GPR108: variants seen among roughly 807,000 people sequenced by gnomAD.
GPR108 encodes the protein G protein-coupled receptor 108.
GPR108 carries 60 observed loss-of-function variants against 74.3 expected under a neutral mutation model. That is an observed-to-expected ratio of 0.81 (90% CI 0.66 to 1.00). GPR108 has a LOEUF of 1.00. Among genes scored for constraint, GPR108 ranks in the 50% least tolerant of loss-of-function variants. The pLI is 0.00. For synonymous variants in GPR108, 311 were observed against 292.4 expected, an observed-to-expected ratio of 1.06 and a Z score of -0.65; for missense variants, 667 against 703.3, an observed-to-expected ratio of 0.95 and a Z score of 0.58.
intron 17 of GPR108, 40 bp from the exon 18 acceptor site, chr19:6,730,424 CAGCAG>C: frequency 6.4e-7 from 1 of 1,552,062 alleles, no homozygotes; most frequent in Non-Finnish European, 8.9e-7. Context: ...CGTTGCAGGG[CAGCAG>C]GCCCCACCCA....
intron 7 of GPR108, 46 bp downstream of exon 7, chr19:6,733,799 C>T (rs377295960): frequency 1.7e-5 from 27 of 1,607,542 alleles, no homozygotes; most frequent in Admixed American, 1.3e-4. Context: ...TTGGGGGTCC[C>T]GTGCTCTGGG....
Position 6,732,976 on chromosome 19 carries a change from A to C in GPR108, c.933+11T>G, listed in dbSNP as rs1390209818. 1.3e-6 allele frequency: 2 copies of C among 1,579,438 alleles called. No individual in the cohort carries two copies. The highest frequency in any genetic ancestry group is 2.3e-5 in the South Asian group (2 of 87,108). On this transcript the variant is annotated intron_variant, in intron 10 of 17. Transcript: ENST00000264080. ...CCCACCCCCCGCTGCTCCCCGGTCC[A>C]AGGCTCTCACGCTGTGGAAGAGGAG...
Position 6,734,058 on chromosome 19 carries a change from T to A in GPR108, c.500-4A>T, listed in dbSNP as rs777834464. 5.3e-5 allele frequency: 86 copies of A among 1,613,982 alleles called. No individual in the cohort carries two copies. Among genetic ancestry groups the A allele is most frequent in the Non-Finnish European group, 6.9e-5 (81 of 1,180,016 alleles). ...TTGCTGGCTGCAGAGGTCCCTCCTG[T>A]AAGAGACCGGGCAGTGATTTTAAGA... is the stretch of plus-strand genomic sequence containing the variant. On this transcript the variant is annotated splice_polypyrimidine_tract_variant and splice_region_variant and intron_variant, in intron 5 of 17. Transcript: ENST00000264080.
chr19:6,734,378 G>A, intron 4 of GPR108, 71 bp from the exon 5 acceptor site: 2 of 1,505,018 alleles, frequency 1.3e-6, no homozygotes, highest in Non-Finnish European at 1.8e-6. Flanking sequence ...AAAGGACTCA[G>A]TGGCCCCTTG....
At chr19:6,735,530 C>T in intron 4 of GPR108, 92 bp downstream of exon 4, 1 of 1,078,220 alleles carries the variant, frequency 9.3e-7, no homozygotes, top group Non-Finnish European at 1.4e-6. Context: ...CTCTCTGCTT[C>T]TCATCCCACC....
intron 17 of GPR108, 30 bp from the exon 18 acceptor site, chr19:6,730,414 CGTTGCAGGGCAGCAGGCCCCACCCA>C: frequency 6.3e-7 from 1 of 1,593,760 alleles, no homozygotes; most frequent in Non-Finnish European, 8.6e-7. Context: ...AGGCGTCTAG[CGTTGCAGGGCAGCAGGCCCCACCCA>C]CTCTACCCGG....
intron 17 of GPR108, 169 bp from the exon 18 acceptor site, chr19:6,730,553 C>T (rs1968350819): frequency 4.7e-6 from 3 of 634,728 alleles, no homozygotes; most frequent in Admixed American, 4.7e-5. Context: ...CCCACAGCAG[C>T]GCAGGCCCTA....
At position 6,735,722 on chromosome 19, in the gene GPR108, G is replaced by A. The variant is rs779668714; in HGVS notation, c.292-18C>T. 1.2e-6 allele frequency: 2 copies of A among 1,611,778 alleles called. No homozygotes were observed. The highest frequency in any genetic ancestry group is 1.7e-6 in the Non-Finnish European group (2 of 1,177,990). ...TCCCGGGTCTGGGGGGTGGGCAGGA[G>A]GGAGTGAGTCTTGGTTACTCCTCTC... On this transcript the variant is annotated intron_variant, in intron 3 of 17. Coordinates refer to ENST00000264080, the MANE Select transcript of GPR108 (RefSeq NM_001080452.2).
chr19:6,735,850 C>T (rs1968613219), intron 3 of GPR108, 58 bp downstream of exon 3: 5 of 1,572,650 alleles, frequency 3.2e-6, no homozygotes, highest in Non-Finnish European at 4.3e-6. Flanking sequence ...ATGCAGAGGA[C>T]AGACCCTACC....
chr19:6,730,407 C>T lies in GPR108; in HGVS notation c.1560-23G>A, dbSNP rs369161984. 105 of 1,606,424 alleles carry T rather than the reference C, an allele frequency of 6.5e-5. No homozygotes were observed. In the African/African-American group the frequency reaches 1.0e-3, roughly 16 times the overall value. On this transcript the variant is annotated intron_variant, in intron 17 of 17. Transcript: ENST00000264080. ...ATTCTGGGGGCAGACAGCGAGGAGG[C>T]GTCTAGCGTTGCAGGGCAGCAGGCC...
rs564587392 is a variant in GPR108 at position 6,733,146 on chromosome 19, C to T, written c.857+22G>A. Reference sequence around the variant, plus strand: ...GGGTCTGGTGAAGGGACGTGGGGGACCCTCAGGGGCAGGGGCATTACGTGT... The same window carrying T: ...GGGTCTGGTGAAGGGACGTGGGGGATCCTCAGGGGCAGGGGCATTACGTGT... On this transcript the variant is annotated intron_variant, in intron 9 of 17. Coordinates refer to ENST00000264080, the MANE Select transcript of GPR108 (RefSeq NM_001080452.2). 5.9e-5 allele frequency: 96 copies of T among 1,613,808 alleles called. 1 individual carries two copies. The South Asian group carries it at 9.8e-4, about 16-fold the overall frequency.
chr19:6,736,809 C>G (rs768916033), intron 1 of GPR108, 98 bp from the exon 2 acceptor site: 1 of 1,542,160 alleles, frequency 6.5e-7, no homozygotes, highest in Non-Finnish European at 8.9e-7. Context: ...CCTCCTGGTA[C>G]CCCTCTATTT....
chr19:6,734,415 G>A, intron 4 of GPR108, 108 bp from the exon 5 acceptor site: 3 of 1,068,372 alleles, frequency 2.8e-6, no homozygotes, highest in African/African-American at 1.6e-5. Flanking sequence ...TCCCTGAGGG[G>A]CGGGGTCCAG....
chr19:6,736,383 C>A (rs1968634896), intron 2 of GPR108, among the ~76,000 whole-genome samples: 1 of 152,194 alleles, frequency 6.6e-6, no homozygotes, highest in Admixed American at 6.5e-5. Flanking sequence ...AAAGCCTGAG[C>A]CACCGCGCCC....
chr19:6,737,539 C>A lies in GPR108; in HGVS notation c.38G>T (p.Ser13Ile). ...VSERRGLGRG[S>I]PAEWGQRLLL... ...TAGCCGCTGCCCCCACTCCGCGGGGCTCCCGCGGCCGAGCCCCCTCCTCTC... is the reference window on the plus strand; with the variant it reads ...TAGCCGCTGCCCCCACTCCGCGGGGATCCCGCGGCCGAGCCCCCTCCTCTC... Residue 13 changes from serine to isoleucine, a missense_variant, in exon 1 of 18, where the codon AGC becomes ATC. By Grantham distance (142) the Ser-to-Ile change is moderately radical. Transcript: ENST00000264080. 2 of 1,550,766 alleles carry A rather than the reference C, an allele frequency of 1.3e-6. No homozygotes were observed. The highest frequency in any genetic ancestry group is 1.9e-5 in the Admixed American group (1 of 52,722).
In GPR108 at chr19:6,732,289, CCTT is replaced by C. The variant is rs773368649; in HGVS notation, c.1096_1098del (p.Lys366del). 1.1e-5 allele frequency: 17 copies of C among 1,612,900 alleles called. No individual in the cohort carries two copies. In the East Asian group the frequency reaches 2.2e-4, roughly 21 times the overall value. ...TGCATGGGGATCACGATCCCAAAGA[CCTT>C]CTTCTCCTTATCCGACAGGACGTAC... On this transcript the variant is annotated inframe_deletion, in exon 12 of 18. Transcript: ENST00000264080.
chr19:6,736,647 A>G lies in GPR108; in HGVS notation c.185T>C (p.Val62Ala). 1.2e-6 allele frequency: 2 copies of G among 1,613,606 alleles called. No individual in the cohort carries two copies. The highest frequency in any genetic ancestry group is 1.7e-6 in the Non-Finnish European group (2 of 1,179,908). The change falls in exon 2 of 18, where the codon GTG (valine) becomes GCG (alanine). Residue 62 changes from valine to alanine, a missense_variant. Coordinates refer to ENST00000264080, the MANE Select transcript of GPR108 (RefSeq NM_001080452.2). ...FGFYTNGSLE[V>A]ELSVLRLGLR... ...GCCCAGCCGCAGGACGCTCAACTCCACCTCCAGAGAGCCATTGGTGTAGAA... is the reference window on the plus strand; with the variant it reads ...GCCCAGCCGCAGGACGCTCAACTCCGCCTCCAGAGAGCCATTGGTGTAGAA...
At chr19:6,731,318 T>C (rs1362774616) in intron 15 of GPR108, 36 bp from the exon 16 acceptor site, 15 of 1,524,462 alleles carry the variant, frequency 9.8e-6, no homozygotes, top group South Asian at 1.3e-5. Context: ...GCCAGGACTG[T>C]AGGGGCACGG....
chr19:6,737,252 C>T (rs1968677447), intron 1 of GPR108: 1 of 615,764 alleles, frequency 1.6e-6, no homozygotes, highest in Admixed American at 3.7e-5. Context: ...AGGGGGCCGA[C>T]CCCAGCGAGG....
Sources: allele counts gnomAD v4.1 joint callset (sites outside exome capture counted in the v4.1 genomes callset), GRCh38; gene constraint gnomAD v4.1.1; transcripts MANE v1.5; gene names NCBI Gene and HGNC (gene_info 2026-07-23, HGNC 2026-07-21).